Variants in WRN observed in about 807,000 individuals in gnomAD.
WRN encodes bifunctional 3'-5' exonuclease/ATP-dependent helicase WRN.
In WRN, 149 loss-of-function variants were observed where a neutral mutation model predicts 180.7. That is an observed-to-expected ratio of 0.82 (90% CI 0.72 to 0.94). WRN has a LOEUF of 0.94. Among genes scored for constraint, WRN ranks in the 40% least tolerant of loss-of-function variants. The pLI, the probability that WRN is intolerant of heterozygous loss-of-function variation, is 0.00. For missense variants in WRN, 1,661 were observed against 1,700.1 expected, an observed-to-expected ratio of 0.98 and a Z score of 0.40; for synonymous variants, 548 against 568.9, an observed-to-expected ratio of 0.96 and a Z score of 0.52.
chr8:31,081,189 G>A lies in WRN; in HGVS notation c.1162G>A (p.Glu388Lys), dbSNP rs1060500067. 6.2e-6 allele frequency: 10 copies of A among 1,613,904 alleles called. No individual in the cohort carries two copies. Among genetic ancestry groups the A allele is most frequent in the Admixed American group, 1.7e-5 (1 of 60,000 alleles). The change falls in exon 9 of 35, where the codon GAA becomes AAA. Residue 388 changes from glutamate (E) to lysine (K), a missense_variant. This residue lies in a region of WRN where 500 missense variants were observed against 504.1 expected (regional missense o/e 0.99). Coordinates refer to ENST00000298139, the MANE Select transcript of WRN (RefSeq NM_000553.6). ...AGACAACAAATTGAAAGAGAATATG[G>A]AAAGAGCTTGTTTGATGTCGTTAGA... ...VEDNKLKENM[E>K]RACLMSLDIT...
At chr8:31,137,290 A>G (rs1316692778) in intron 24 of WRN, among the ~76,000 whole-genome samples, 1 of 152,154 alleles carries the variant, frequency 6.6e-6, no homozygotes, top group Admixed American at 6.5e-5. Context: ...ATAAAACCTC[A>G]TTGTTTCATA....
intron 1 of WRN, among the ~76,000 whole-genome samples, chr8:31,044,230 A>G (rs1811765359): frequency 6.7e-6 from 1 of 150,184 alleles, no homozygotes; most frequent in South Asian, 2.1e-4. Context: ...TTTAGTAGAG[A>G]CGGGGTTTCA....
intron 18 of WRN, among the ~76,000 whole-genome samples, chr8:31,109,952 A>G (rs1801241537): frequency 6.6e-6 from 1 of 152,198 alleles, no homozygotes; most frequent in Non-Finnish European, 1.5e-5. Flanking sequence ...TAAATATATT[A>G]CCTGCTCACT....
chr8:31,132,133 G>T (rs1276247075), intron 23 of WRN, among the ~76,000 whole-genome samples: 1 of 151,868 alleles, frequency 6.6e-6, no homozygotes, highest in Non-Finnish European at 1.5e-5. Context: ...CTTGCTTCTA[G>T]GACACTAGGA....
chr8:31,092,439 TTGTGTGTGTGTGTGTGTG>T (rs142679273), intron 16 of WRN, among the ~76,000 whole-genome samples: 1 of 146,732 alleles, frequency 6.8e-6, no homozygotes, highest in African/African-American at 2.5e-5. Context: ...CACACCCATT[TTGTGTGTGTGTGTGTGTG>T]TGTATATGTA....
At chr8:31,113,626 C>T (rs1309113208) in intron 19 of WRN, among the ~76,000 whole-genome samples, 1 of 152,080 alleles carries the variant, frequency 6.6e-6, no homozygotes, top group East Asian at 1.9e-4. Context: ...ATAACACTCT[C>T]TATGGCACTT....
chr8:31,101,064 G>A (rs567607718), intron 18 of WRN, 109 bp downstream of exon 18: 2 of 867,362 alleles, frequency 2.3e-6, no homozygotes, highest in South Asian at 2.9e-5. Context: ...AGAGCAAATG[G>A]ATAATGTAAA....
chr8:31,107,829 A>T (rs1209658437), intron 18 of WRN, among the ~76,000 whole-genome samples: 4 of 152,252 alleles, frequency 2.6e-5, no homozygotes, highest in Non-Finnish European at 5.9e-5. Context: ...CATCAGTCTT[A>T]AAGTTCTTTA....
rs1057226053 is a variant in WRN at position 31,048,532 on chromosome 8, C to T, written c.-76-9840C>T. Reference sequence around the variant, plus strand: ...CAATCTGTGTGTGTGTATATATATGCTTGTGTGTGTATAAATGTATAAATT... The same window carrying T: ...CAATCTGTGTGTGTGTATATATATGTTTGTGTGTGTATAAATGTATAAATT... On this transcript the variant is annotated intron_variant, in intron 1 of 34. Transcript: ENST00000298139. Among the ~76,000 whole-genome samples the T allele has an allele frequency of 2.6e-5, 4 of 151,946 alleles. No homozygotes were observed. The East Asian group carries it at 5.8e-4, about 22-fold the overall frequency.
At chr8:31,150,223 A>G (rs1183925001) in intron 30 of WRN, 118 bp from the exon 31 acceptor site, 2 of 832,468 alleles carry the variant, frequency 2.4e-6, no homozygotes, top group Non-Finnish European at 4.0e-6. Flanking sequence ...TGTTGGAAAA[A>G]CTATACATTT....
intron 7 of WRN, among the ~76,000 whole-genome samples, chr8:31,075,719 CAAAA>C (rs1181552234): frequency 1.1e-5 from 1 of 91,676 alleles, no homozygotes. Context: ...GACTCTGTCT[CAAAA>C]AAAAAAAAAA....
chr8:31,104,083 A>T (rs1800991445), intron 18 of WRN, among the ~76,000 whole-genome samples: 2 of 152,210 alleles, frequency 1.3e-5, no homozygotes, highest in Non-Finnish European at 2.9e-5. Flanking sequence ...AAAATATAAA[A>T]GTTTTCATTT....
In WRN at chr8:31,157,520, C is replaced by G. The variant is rs370253199; in HGVS notation, c.3972C>G (p.Pro1324=). 91 of 1,613,938 alleles carry G rather than the reference C, an allele frequency of 5.6e-5. No individual in the cohort carries two copies. Among genetic ancestry groups the G allele is most frequent in the Non-Finnish European group, 7.5e-5 (89 of 1,180,010 alleles). The change falls in exon 33 of 35, where the codon CCC becomes CCG. Residue 1324 remains proline, a synonymous_variant. Coordinates refer to ENST00000298139, the MANE Select transcript of WRN (RefSeq NM_000553.6). Reference sequence around the variant, plus strand: ...TTGCTGATGTTATCCGAAACCCTCCCGTCAACTCAGGTGAGAGGCATGGCC... The same window carrying G: ...TTGCTGATGTTATCCGAAACCCTCCGGTCAACTCAGGTGAGAGGCATGGCC... The part of the protein sequence containing the change: ...KIIADVIRNP[P]VNSDMSKISL...
intron 7 of WRN, among the ~76,000 whole-genome samples, chr8:31,069,573 T>G (rs1454961357): frequency 6.6e-6 from 1 of 152,242 alleles, no homozygotes; most frequent in Non-Finnish European, 1.5e-5. Context: ...TTATAAGGTA[T>G]TATAAGAAAT....
chr8:31,083,421 T>C (rs1813398239), intron 9 of WRN, among the ~76,000 whole-genome samples: 2 of 152,202 alleles, frequency 1.3e-5, no homozygotes. Flanking sequence ...GAACTTGTCA[T>C]TTTGTATTCT....
At chr8:31,105,274 T>C (rs921099971) in intron 18 of WRN, among the ~76,000 whole-genome samples, 2 of 152,148 alleles carry the variant, frequency 1.3e-5, no homozygotes, top group African/African-American at 4.8e-5. Context: ...AATAATTCTT[T>C]AGTAGTCACA....
At chr8:31,047,628 C>T (rs533229341) in intron 1 of WRN, among the ~76,000 whole-genome samples, 2 of 152,148 alleles carry the variant, frequency 1.3e-5, no homozygotes, top group South Asian at 2.1e-4. Context: ...GCAAGGCAAC[C>T]GTTAACATCC....
chr8:31,113,813 A>T (rs1399991693), intron 19 of WRN, among the ~76,000 whole-genome samples: 1 of 148,450 alleles, frequency 6.7e-6, no homozygotes, highest in Non-Finnish European at 1.5e-5. Flanking sequence ...GACTATTATA[A>T]TTTCCCCAAC....
intron 19 of WRN, among the ~76,000 whole-genome samples, chr8:31,114,922 G>T: frequency 2.1e-5 from 3 of 143,740 alleles, no homozygotes; most frequent in African/African-American, 2.6e-5. Flanking sequence ...TTGACATGGA[G>T]TCTTGCTCTG....
Sources: gnomAD v4.1 joint callset for allele counts (sites outside exome capture counted in the v4.1 genomes callset) on GRCh38, gnomAD v4.1.1 for gene constraint, gnomAD v4.1.1 regional missense constraint, MANE v1.5 for transcripts, NCBI Gene and HGNC (gene_info 2026-07-23, HGNC 2026-07-21) for gene names.